Variants in ISM1 observed in about 807,000 individuals in gnomAD.
The protein encoded by ISM1 is isthmin-1.
ISM1 carries 25 observed loss-of-function variants against 46.3 expected under a neutral mutation model. The ratio of observed to expected loss-of-function variants is 0.54; its 90% CI spans 0.39 to 0.75. The LOEUF (loss-of-function observed/expected upper bound fraction) is 0.75. Ranked by LOEUF, ISM1 falls within the 30% of genes least tolerant of loss-of-function variation. The probability of loss-of-function intolerance (pLI) is 0.00; values close to 1 mark genes in which losing one functional copy is unlikely to be tolerated. For synonymous variants in ISM1, 255 were observed against 256.7 expected (o/e 0.99, Z 0.06); for missense variants, 536 against 625.4 (o/e 0.86, Z 1.52).
At chr20:13,232,789 T>A (rs953529688) in intron 1 of ISM1, among the ~76,000 whole-genome samples, 2 of 152,228 alleles carry the variant, frequency 1.3e-5, no homozygotes, top group East Asian at 3.8e-4. Context: ...CATTTGAAGG[T>A]TGAATCCCAG....
chr20:13,318,130 C>A, the ISM1 span, among the ~76,000 whole-genome samples: 12,726 of 31,464 alleles, frequency 0.4, 1,141 homozygotes, highest in African/African-American at 0.52. Context: ...TCTGAGGACA[C>A]TTGAAAAAAT....
At chr20:13,273,388 C>T (rs2040138630) in intron 2 of ISM1, among the ~76,000 whole-genome samples, 1 of 151,944 alleles carries the variant, frequency 6.6e-6, no homozygotes, top group Admixed American at 6.6e-5. Flanking sequence ...GTGTGAGCCA[C>T]CATGCCTAGC....
the ISM1 span, among the ~76,000 whole-genome samples, chr20:13,320,620 G>A: frequency 6.6e-6 from 1 of 152,166 alleles, no homozygotes; most frequent in African/African-American, 2.4e-5. Context: ...AAATAAGGTA[G>A]AAGCTTATTG....
intron 5 of ISM1, among the ~76,000 whole-genome samples, chr20:13,298,361 C>A (rs2040426852): frequency 6.6e-6 from 1 of 152,152 alleles, no homozygotes; most frequent in South Asian, 2.1e-4. Context: ...GATGATCCGC[C>A]CGCCTCAGCC....
intron 1 of ISM1, among the ~76,000 whole-genome samples, chr20:13,238,832 A>G (rs535666568): frequency 6.6e-5 from 10 of 152,290 alleles, no homozygotes; most frequent in Non-Finnish European, 1.0e-4. Context: ...AGAGGATACA[A>G]CGTTCTAAAG....
chr20:13,255,201 G>A (rs2123205315), intron 1 of ISM1, among the ~76,000 whole-genome samples: 1 of 152,310 alleles, frequency 6.6e-6, no homozygotes, highest in Admixed American at 6.5e-5. Context: ...TGACATTTAA[G>A]CTGAGACTTG....
downstream of ISM1, among the ~76,000 whole-genome samples, chr20:13,301,935 T>G (rs1292638127): frequency 6.6e-6 from 1 of 152,270 alleles, no homozygotes; most frequent in East Asian, 1.9e-4. Flanking sequence ...TTGGTTCTAA[T>G]GAAGGAGTGG....
the ISM1 span, among the ~76,000 whole-genome samples, chr20:13,310,536 A>T: frequency 2.0e-5 from 3 of 152,246 alleles, no homozygotes; most frequent in Admixed American, 1.3e-4. Flanking sequence ...CTCCTGCCCA[A>T]ATATGTAGGC....
chr20:13,289,987 G>A (rs1568688552), intron 4 of ISM1, among the ~76,000 whole-genome samples: 1 of 152,158 alleles, frequency 6.6e-6, no homozygotes, highest in Non-Finnish European at 1.5e-5. Context: ...GAACAAAGGA[G>A]AAATGAAAGC....
At chr20:13,253,876 T>C (rs1307935303) in intron 1 of ISM1, among the ~76,000 whole-genome samples, 1 of 100,040 alleles carries the variant, frequency 1.0e-5, no homozygotes, top group East Asian at 3.5e-4. Flanking sequence ...TATATATATA[T>C]ATGTGTGTGT....
At chr20:13,298,905 A>G (rs965095330) in intron 5 of ISM1, 37 bp from the exon 6 acceptor site, 39 of 1,601,456 alleles carry the variant, frequency 2.4e-5, no homozygotes, top group Non-Finnish European at 3.2e-5. Context: ...GGCCGGTTGT[A>G]CACGCGGTGA....
chr20:13,241,553 G>A (rs1286048731), intron 1 of ISM1, among the ~76,000 whole-genome samples: 1 of 152,108 alleles, frequency 6.6e-6, no homozygotes, highest in African/African-American at 2.4e-5. Flanking sequence ...AAGAAAATGA[G>A]CTATGCAGAC....
Position 13,299,674 on chromosome 20 carries a change from G to T in ISM1, c.*215G>T. On this transcript the variant is annotated 3_prime_UTR_variant, in exon 6 of 6. Coordinates refer to ENST00000262487, the MANE Select transcript of ISM1 (RefSeq NM_080826.2). This position sits in a 1 kb window ranked among gnomAD's most constrained non-coding sequence, Gnocchi z 5.8. ...TCGCCATCTGCAGAGCTCCTTGAAAGTGCCCCTGGGGAGCGATGTGGGCAG... is the reference window on the plus strand; with the variant it reads ...TCGCCATCTGCAGAGCTCCTTGAAATTGCCCCTGGGGAGCGATGTGGGCAG... 4.0e-6 allele frequency: 2 copies of T among 498,346 alleles called. No individual in the cohort carries two copies. The allele number at this position is 498,346 out of a possible 1,614,324, so 30.9% of individuals were successfully genotyped here.
chr20:13,311,415 C>A, the ISM1 span, among the ~76,000 whole-genome samples: 2 of 152,168 alleles, frequency 1.3e-5, no homozygotes, highest in Middle Eastern at 3.2e-3. Flanking sequence ...ACCATGTAAT[C>A]TAGCAATCCC....
chr20:13,231,039 C>T (rs1294815085), intron 1 of ISM1, among the ~76,000 whole-genome samples: 3 of 152,264 alleles, frequency 2.0e-5, no homozygotes, highest in South Asian at 2.1e-4. Flanking sequence ...CCTCCCTCTT[C>T]GCCTACCAGA....
chr20:13,263,605 A>G (rs553362441), intron 1 of ISM1, among the ~76,000 whole-genome samples: 1 of 152,234 alleles, frequency 6.6e-6, no homozygotes, highest in African/African-American at 2.4e-5. Context: ...TTATTTTTAG[A>G]TGTGTGGAAC....
At chr20:13,320,112 G>A in the ISM1 span, among the ~76,000 whole-genome samples, 1,760 of 152,316 alleles carry the variant, frequency 0.012, 17 homozygotes, top group Middle Eastern at 0.034. Flanking sequence ...GTCCCCTCCT[G>A]TGAGAAGCAA....
chr20:13,297,183 G>A (rs964755729), intron 5 of ISM1, among the ~76,000 whole-genome samples: 4 of 152,198 alleles, frequency 2.6e-5, no homozygotes, highest in South Asian at 4.1e-4. Flanking sequence ...GGGAAAGGGC[G>A]TTCTTTGCAA....
chr20:13,313,367 C>T, the ISM1 span, among the ~76,000 whole-genome samples: 1 of 152,220 alleles, frequency 6.6e-6, no homozygotes. Context: ...CAGACTGTAG[C>T]TTACTCTTGT....
Sources: gnomAD v4.1 joint callset for allele counts (sites outside exome capture counted in the v4.1 genomes callset) on GRCh38, gnomAD v4.1.1 for gene constraint, Gnocchi (gnomAD v3.1) non-coding constraint, MANE v1.5 for transcripts, NCBI Gene and HGNC (gene_info 2026-07-23, HGNC 2026-07-21) for gene names.